The following TBX15 variants were observed in gnomAD, a reference collection of about 807,000 sequenced individuals.
The protein encoded by TBX15 is T-box transcription factor 15.
Under a neutral mutation model 53.9 loss-of-function variants are expected in TBX15, and 18 were observed. The observed-to-expected ratio is 0.33, with a 90% CI of 0.23 to 0.49. The LOEUF (loss-of-function observed/expected upper bound fraction) is 0.49, where lower values mean the gene tolerates loss of function less well. Among genes scored for constraint, TBX15 ranks in the 20% least tolerant of loss-of-function variants. The pLI is 0.98. For missense variants in TBX15, 692 were observed against 749.5 expected, an observed-to-expected ratio of 0.92 and a Z score of 0.90; for synonymous variants, 295 against 278.0, an observed-to-expected ratio of 1.06 and a Z score of -0.61.
intron 7 of TBX15, among the ~76,000 whole-genome samples, chr1:118,892,230 C>G (rs1304210609): frequency 6.6e-6 from 1 of 152,148 alleles, no homozygotes; most frequent in Non-Finnish European, 1.5e-5. Flanking sequence ...TGGCCTCATT[C>G]TGATCAATAA....
intron 6 of TBX15, among the ~76,000 whole-genome samples, chr1:118,903,518 T>G (rs1654708434): frequency 6.6e-6 from 1 of 152,186 alleles, no homozygotes; most frequent in South Asian, 2.1e-4. Context: ...TTTTAATGTT[T>G]CCTTTGTTTA....
chr1:118,948,950 A>G (rs1656428808), intron 1 of TBX15, among the ~76,000 whole-genome samples: 1 of 152,218 alleles, frequency 6.6e-6, no homozygotes, highest in Non-Finnish European at 1.5e-5. Flanking sequence ...CTTTCTTGCC[A>G]TTATTTACAA....
intron 1 of TBX15, among the ~76,000 whole-genome samples, chr1:118,959,024 C>CAGAGTGAGAGAGAGAGAG (rs1656780738): frequency 6.9e-6 from 1 of 144,464 alleles, no homozygotes; most frequent in African/African-American, 2.6e-5. Context: ...GGTATAATAT[C>CAGAGTGAGAGAGAGAGAG]AGAGAGAGAG....
At chr1:118,984,474 A>C (rs187845339) in intron 1 of TBX15, among the ~76,000 whole-genome samples, 16 of 152,378 alleles carry the variant, frequency 1.1e-4, no homozygotes, top group African/African-American at 3.8e-4. Flanking sequence ...CCGAGCGCAG[A>C]TGGCGCCGCC....
intron 1 of TBX15, among the ~76,000 whole-genome samples, chr1:118,937,538 G>A (rs1176555196): frequency 6.6e-6 from 1 of 152,180 alleles, no homozygotes; most frequent in African/African-American, 2.4e-5. Context: ...CCCATCTCAT[G>A]TGTGAATGAT....
chr1:118,959,314 C>T (rs1448938790), intron 1 of TBX15, among the ~76,000 whole-genome samples: 2 of 152,212 alleles, frequency 1.3e-5, no homozygotes, highest in African/African-American at 2.4e-5. Flanking sequence ...TATTTATAGA[C>T]ATCTGCAAGA....
intron 6 of TBX15, among the ~76,000 whole-genome samples, chr1:118,912,496 C>A (rs1245305210): frequency 1.3e-5 from 2 of 152,230 alleles, no homozygotes; most frequent in East Asian, 3.9e-4. Flanking sequence ...AATAGCCTGT[C>A]ATGAAAGTCC....
chr1:118,935,647 C>T (rs1467617783), intron 1 of TBX15, among the ~76,000 whole-genome samples: 1 of 152,012 alleles, frequency 6.6e-6, no homozygotes, highest in Non-Finnish European at 1.5e-5. Flanking sequence ...TCTCATCCCC[C>T]CAAAAAAATC....
chr1:118,897,473 G>A (rs1438908204), intron 7 of TBX15, among the ~76,000 whole-genome samples: 1 of 152,178 alleles, frequency 6.6e-6, no homozygotes, highest in East Asian at 1.9e-4. Flanking sequence ...TGCTTAGCTA[G>A]AGCTTGGAAA....
Position 118,926,526 on chromosome 1 carries a change from C to G in TBX15, c.505G>C (p.Asp169His), listed in dbSNP as rs1392457475. 8.7e-6 allele frequency: 14 copies of G among 1,613,474 alleles called. No homozygotes were observed. Among genetic ancestry groups the G allele is most frequent in the Admixed American group, 1.7e-5 (1 of 59,970 alleles). ...TATTGTTACCTGTATCTTTTATTGT[C>G]CACAGGCACAATGTCCATTGCTATG... ...YYIAMDIVPV[D>H]NKRYRYVYHS... The change falls in exon 3 of 8, where the codon GAC (aspartate) becomes CAC (histidine). Residue 169 changes from aspartate to histidine, a missense_variant. Transcript: ENST00000369429.
At position 118,973,810 on chromosome 1, in the gene TBX15, G is replaced by C. The variant is rs150910003; in HGVS notation, c.205+13781C>G. On this transcript the variant is annotated intron_variant, in intron 1 of 7. Coordinates refer to ENST00000369429, the MANE Select transcript of TBX15 (RefSeq NM_001330677.2). ...CACGCACACACACTGGCTGAGGCTT[G>C]GTTTACTCTCTGCTCACCCCTAGAG... Among the ~76,000 whole-genome samples, 577 of 152,024 alleles carry C rather than the reference G, an allele frequency of 3.8e-3. 7 individuals are homozygous for C. The highest frequency in any genetic ancestry group is 0.013 in the African/African-American group (535 of 41,458).
chr1:118,919,286 G>C (rs945800363), intron 5 of TBX15, among the ~76,000 whole-genome samples: 4 of 152,206 alleles, frequency 2.6e-5, no homozygotes, highest in Admixed American at 1.3e-4. Flanking sequence ...GTGAGGATAT[G>C]TTGGCATCAG....
Position 118,931,761 on chromosome 1 carries a change from T to C in TBX15, c.277A>G (p.Thr93Ala), listed in dbSNP as rs757387846. The C allele has an allele frequency of 6.2e-6, 10 of 1,612,628 alleles. No individual in the cohort carries two copies. The Admixed American group carries it at 6.7e-5, about 11-fold the overall frequency. ...ERTSCSFSTH[T>A]DLASGAAGPV... ...CCTGCAGCACCAGAGGCCAGGTCAGTGTGAGTACTGAAGGAGCAGGAAGTC... is the reference window on the plus strand; with the variant it reads ...CCTGCAGCACCAGAGGCCAGGTCAGCGTGAGTACTGAAGGAGCAGGAAGTC... Residue 93 changes from threonine (T) to alanine (A), a missense_variant, in exon 2 of 8, where the codon ACT becomes GCT. Physicochemically the swap from Thr to Ala is moderately conservative, Grantham distance 58. Coordinates refer to ENST00000369429, the MANE Select transcript of TBX15 (RefSeq NM_001330677.2).
intron 1 of TBX15, among the ~76,000 whole-genome samples, chr1:118,932,446 AG>A (rs1411736169): frequency 6.6e-6 from 1 of 152,144 alleles, no homozygotes; most frequent in Non-Finnish European, 1.5e-5. Flanking sequence ...GAGTCTAATC[AG>A]GCCATTTTGG....
intron 7 of TBX15, 41 bp downstream of exon 7, chr1:118,898,987 T>C (rs1243094278): frequency 1.3e-6 from 2 of 1,595,802 alleles, no homozygotes. Context: ...ACTCTGTCCC[T>C]GGCCCTATCA....
At chr1:118,985,285 G>A (rs964719904) in intron 1 of TBX15, among the ~76,000 whole-genome samples, 1 of 152,122 alleles carries the variant, frequency 6.6e-6, no homozygotes, top group African/African-American at 2.4e-5. Context: ...CAATAGGGTC[G>A]CCTGCATTAC....
intron 1 of TBX15, among the ~76,000 whole-genome samples, chr1:118,940,632 A>G (rs1472174777): frequency 6.6e-6 from 1 of 151,782 alleles, no homozygotes; most frequent in Non-Finnish European, 1.5e-5. Context: ...AAGAGAATTC[A>G]GCTGATAATA....
intron 1 of TBX15, among the ~76,000 whole-genome samples, chr1:118,947,750 G>C (rs1656391704): frequency 6.6e-6 from 1 of 152,190 alleles, no homozygotes; most frequent in African/African-American, 2.4e-5. Context: ...TAGAGATGAG[G>C]AAACTGAGAC....
chr1:118,891,447 C>A (rs115233873), intron 7 of TBX15, among the ~76,000 whole-genome samples: 2,142 of 152,228 alleles, frequency 0.014, 60 homozygotes, highest in African/African-American at 0.049. Flanking sequence ...ATTTAGAATT[C>A]ATCTGCTTCT....
Sources: gnomAD v4.1 joint callset for allele counts (sites outside exome capture counted in the v4.1 genomes callset) on GRCh38, gnomAD v4.1.1 for gene constraint, MANE v1.5 for transcripts, NCBI Gene and HGNC (gene_info 2026-07-23, HGNC 2026-07-21) for gene names.